IFT56: variants seen among roughly 807,000 people sequenced by gnomAD.
IFT56 encodes the protein intraflagellar transport 56, also known as intraflagellar transport protein 56.
the IFT56 span, chr7:139,139,933 T>C: frequency 6.2e-7 from 1 of 1,613,134 alleles, no homozygotes; most frequent in East Asian, 2.2e-5. Flanking sequence ...AATTCTGAAG[T>C]CTGGGTGAAC....
chr7:139,166,201 G>A, the IFT56 span, among the ~76,000 whole-genome samples: 3 of 152,178 alleles, frequency 2.0e-5, no homozygotes, highest in East Asian at 1.9e-4. Context: ...CAGGTGATCC[G>A]CCTGCCTCAG....
At chr7:139,167,940 CA>C in the IFT56 span, among the ~76,000 whole-genome samples, 35,711 of 108,782 alleles carry the variant, frequency 0.33, 7,873 homozygotes, top group African/African-American at 0.63. Context: ...GACTCGGTCT[CA>C]AAAAAAAAAA....
At chr7:139,137,914 T>A in the IFT56 span, 4 of 1,613,460 alleles carry the variant, frequency 2.5e-6, no homozygotes, top group South Asian at 4.4e-5. Context: ...GCCTTTCACC[T>A]GGGTGACTAC....
At chr7:139,177,965 G>C in the IFT56 span, among the ~76,000 whole-genome samples, 2 of 152,108 alleles carry the variant, frequency 1.3e-5, no homozygotes, top group Admixed American at 1.3e-4. Context: ...CGTAGTTAAT[G>C]AACCTGCAGG....
At chr7:139,160,591 A>G in the IFT56 span, among the ~76,000 whole-genome samples, 2 of 152,010 alleles carry the variant, frequency 1.3e-5, no homozygotes, top group African/African-American at 2.4e-5. Flanking sequence ...TACCACGCCC[A>G]GCTAATTTTT....
At chr7:139,169,280 G>A in the IFT56 span, 1 of 1,613,354 alleles carries the variant, frequency 6.2e-7, no homozygotes, top group Middle Eastern at 1.7e-4. Context: ...AGCTCAGTTT[G>A]TTTTTCAGAG....
the IFT56 span, chr7:139,147,284 A>G: frequency 3.1e-6 from 5 of 1,605,264 alleles, no homozygotes; most frequent in East Asian, 2.2e-5. Flanking sequence ...ATACTGCTAG[A>G]TAACAGGTCT....
chr7:139,168,527 A>C, the IFT56 span: 1 of 705,624 alleles, frequency 1.4e-6, no homozygotes, highest in Non-Finnish European at 2.6e-6. Context: ...ATATCCCCCA[A>C]TCCAGACTCC....
the IFT56 span, among the ~76,000 whole-genome samples, chr7:139,168,158 T>G: frequency 2.0e-5 from 3 of 152,276 alleles, no homozygotes; most frequent in Middle Eastern, 3.4e-3. Flanking sequence ...ATATAGATAC[T>G]TGGCTGCTGG....
At chr7:139,158,033 G>A in the IFT56 span, among the ~76,000 whole-genome samples, 2 of 152,062 alleles carry the variant, frequency 1.3e-5, no homozygotes, top group African/African-American at 4.8e-5. Context: ...TACCTACCCG[G>A]CCAGGCACAG....
chr7:139,136,462 A>C, the IFT56 span, among the ~76,000 whole-genome samples: 1 of 151,608 alleles, frequency 6.6e-6, no homozygotes, highest in Admixed American at 6.6e-5. Context: ...ATTTTATTTT[A>C]TTTTTGAGAC....
At chr7:139,134,692 T>C in the IFT56 span, 1 of 1,614,016 alleles carries the variant, frequency 6.2e-7, no homozygotes, top group Non-Finnish European at 8.5e-7. Context: ...GGCAGAGGCG[T>C]ACAGCACACT....
chr7:139,173,257 C>T, the IFT56 span: 13 of 426,984 alleles, frequency 3.0e-5, no homozygotes, highest in South Asian at 7.3e-5. Context: ...GATGGAGTCT[C>T]GCTCTTGTTG....
At chr7:139,148,057 G>GA in the IFT56 span, 3 of 626,806 alleles carry the variant, frequency 4.8e-6, no homozygotes, top group South Asian at 3.8e-5. Context: ...AATGCAAAAA[G>GA]AAAAAAATTA....
the IFT56 span, among the ~76,000 whole-genome samples, chr7:139,187,952 A>G: frequency 6.6e-6 from 1 of 150,838 alleles, no homozygotes; most frequent in Non-Finnish European, 1.5e-5. Context: ...GCTTTAGTTT[A>G]GGTCTCAAAA....
At chr7:139,134,549 T>G in the IFT56 span, 35 of 1,287,308 alleles carry the variant, frequency 2.7e-5, no homozygotes, top group East Asian at 7.7e-5. Context: ...ATTACAGGCA[T>G]GAGCCACTGT....
At chr7:139,150,004 T>A in the IFT56 span, among the ~76,000 whole-genome samples, 1 of 152,194 alleles carries the variant, frequency 6.6e-6, no homozygotes, top group East Asian at 1.9e-4. Context: ...AATAGATCAT[T>A]TAACATGGTT....
the IFT56 span, among the ~76,000 whole-genome samples, chr7:139,135,293 A>C: frequency 3.4e-4 from 50 of 147,936 alleles, no homozygotes; most frequent in East Asian, 2.8e-3. Context: ...AAAAAAAAAA[A>C]AAAAACAAAA....
At chr7:139,191,717 T>C in the IFT56 span, 1 of 152,230 alleles carries the variant, frequency 6.6e-6, no homozygotes. Flanking sequence ...TAAAGATAGC[T>C]ACTTCTGAAA....
Sources: allele counts gnomAD v4.1 joint callset (sites outside exome capture counted in the v4.1 genomes callset), GRCh38; gene constraint gnomAD v4.1.1; transcripts MANE v1.5; gene names NCBI Gene and HGNC (gene_info 2026-07-23, HGNC 2026-07-21).